The following SIPA1L3 variants were observed in gnomAD, a reference collection of about 807,000 sequenced individuals.
SIPA1L3 encodes the protein signal-induced proliferation-associated 1-like protein 3.
SIPA1L3 carries 59 observed loss-of-function variants against 150.1 expected under a neutral mutation model. The ratio of observed to expected loss-of-function variants is 0.39; its 90% CI spans 0.32 to 0.49. SIPA1L3 has a LOEUF of 0.49. SIPA1L3 is among the 20% of genes least tolerant of loss of function. SIPA1L3 has a pLI of 0.86. For synonymous variants in SIPA1L3, 1,070 were observed against 1,077.6 expected, an observed-to-expected ratio of 0.99 and a Z score of 0.14; for missense variants, 2,211 against 2,489.5, an observed-to-expected ratio of 0.89 and a Z score of 2.38.
rs183196454 is a variant in SIPA1L3, at chr19:38,188,638, C to T, written c.4431-3507C>T. ...AGGGTTTGCAATAGAAAGTAAGCCT[C>T]TCGGCCAGGCGCGGTGGCGCATGCC... On this transcript the variant is annotated intron_variant, in intron 16 of 21. Coordinates refer to ENST00000222345, the MANE Select transcript of SIPA1L3 (RefSeq NM_015073.3). Among the ~76,000 whole-genome samples the T allele has an allele frequency of 1.3e-3, 205 of 152,228 alleles. 1 individual carries two copies. Among genetic ancestry groups the T allele is most frequent in the African/African-American group, 4.8e-3 (200 of 41,530 alleles).
intron 1 of SIPA1L3, among the ~76,000 whole-genome samples, chr19:38,004,553 C>G (rs1967889906): frequency 6.6e-6 from 1 of 152,192 alleles, no homozygotes; most frequent in African/African-American, 2.4e-5. Context: ...CTGAAAGTTG[C>G]ACACCAGCTG....
At chr19:38,051,404 C>T (rs890771610) in intron 2 of SIPA1L3, among the ~76,000 whole-genome samples, 2 of 152,086 alleles carry the variant, frequency 1.3e-5, no homozygotes, top group African/African-American at 2.4e-5. Context: ...TGGGGAGCCT[C>T]GTCCAAGAAG....
chr19:38,038,817 TCA>T (rs1427860525), intron 2 of SIPA1L3, among the ~76,000 whole-genome samples: 6 of 152,138 alleles, frequency 3.9e-5, no homozygotes, highest in Non-Finnish European at 7.4e-5. Flanking sequence ...CTTGACCAAT[TCA>T]GTTAGAGTTA....
chr19:37,944,103 C>T (rs896906091), intron 1 of SIPA1L3, among the ~76,000 whole-genome samples: 8 of 151,976 alleles, frequency 5.3e-5, no homozygotes, highest in African/African-American at 1.9e-4. Context: ...ATGGCGAAAC[C>T]GCATCTCTAC....
intron 2 of SIPA1L3, among the ~76,000 whole-genome samples, chr19:38,060,506 C>T (rs1178229827): frequency 4.6e-5 from 7 of 152,130 alleles, no homozygotes; most frequent in Non-Finnish European, 7.3e-5. Context: ...AGCAGAGGTG[C>T]GTGACTTTGG....
intron 1 of SIPA1L3, among the ~76,000 whole-genome samples, chr19:37,947,156 T>A (rs2046719192): frequency 6.6e-6 from 1 of 151,736 alleles, no homozygotes; most frequent in South Asian, 2.1e-4. Flanking sequence ...ATTGCGCCAC[T>A]GCACTCCAGC....
chr19:38,082,035 G>T lies in SIPA1L3; in HGVS notation c.470G>T (p.Arg157Leu), dbSNP rs568548537. The T allele has an allele frequency of 6.2e-7, 1 of 1,614,022 alleles. No individual in the cohort carries two copies. The highest frequency in any genetic ancestry group is 2.2e-5 in the East Asian group (1 of 44,884). ...KDVEFQDGWP[R>L]SPGRAFLPLR... ...GTGGAGTTCCAGGACGGGTGGCCCC[G>T]GTCCCCCGGCAGGGCCTTCCTCCCC... The change falls in exon 3 of 22, where the codon CGG (arginine) becomes CTG (leucine). Residue 157 changes from arginine (R) to leucine (L), a missense_variant. Arg to Leu is a moderately radical substitution (Grantham distance 102). Transcript: ENST00000222345.
chr19:37,962,486 T>TTTTTTTTTTTA (rs2046868262), intron 1 of SIPA1L3, among the ~76,000 whole-genome samples: 2 of 128,504 alleles, frequency 1.6e-5, no homozygotes, highest in Admixed American at 7.9e-5. Context: ...TTTTTTTTTT[T>TTTTTTTTTTTA]GAGATAGGGT....
At chr19:38,095,235 G>A (rs952579260) in intron 4 of SIPA1L3, among the ~76,000 whole-genome samples, 3 of 152,132 alleles carry the variant, frequency 2.0e-5, no homozygotes, top group Non-Finnish European at 4.4e-5. Context: ...CATTATGCAC[G>A]GATCTTTTTG....
intron 15 of SIPA1L3, among the ~76,000 whole-genome samples, chr19:38,174,183 T>C (rs1455816971): frequency 1.3e-5 from 2 of 152,062 alleles, no homozygotes; most frequent in African/African-American, 4.8e-5. Context: ...GCTTGATTGG[T>C]ATCTCTGTTG....
chr19:38,011,665 G>A (rs970284828), intron 1 of SIPA1L3, among the ~76,000 whole-genome samples: 14 of 152,164 alleles, frequency 9.2e-5, no homozygotes, highest in South Asian at 2.1e-4. Flanking sequence ...CCAGTGTGGC[G>A]GGAGCATTTG....
chr19:38,187,113 G>A (rs1972700258), intron 16 of SIPA1L3, among the ~76,000 whole-genome samples: 1 of 151,546 alleles, frequency 6.6e-6, no homozygotes, highest in South Asian at 2.1e-4. Context: ...CTGGGAGTTG[G>A]AAGCCAGCCT....
chr19:38,081,693 A>C lies in SIPA1L3; in HGVS notation c.128A>C (p.Asn43Thr). Reference sequence around the variant, plus strand: ...GCTCCCTTGGGATTCTGGGCCCAGAATGGCAGCATGTCCCAGCCTCTTGGC... The same window carrying C: ...GCTCCCTTGGGATTCTGGGCCCAGACTGGCAGCATGTCCCAGCCTCTTGGC... ...DYAPLGFWAQ[N>T]GSMSQPLGES... The change falls in exon 3 of 22, where the codon AAT (asparagine) becomes ACT (threonine). Residue 43 changes from asparagine (N) to threonine (T), a missense_variant. Asn to Thr is a moderately conservative substitution (Grantham distance 65). Coordinates refer to ENST00000222345, the MANE Select transcript of SIPA1L3 (RefSeq NM_015073.3). 4 of 1,611,660 alleles carry C rather than the reference A, an allele frequency of 2.5e-6. No homozygotes were observed. The highest frequency in any genetic ancestry group is 3.4e-6 in the Non-Finnish European group (4 of 1,179,682).
At position 38,082,904 on chromosome 19, in the gene SIPA1L3, G is replaced by A. The variant is rs199585273; in HGVS notation, c.1339G>A (p.Ala447Thr). 9 of 1,613,234 alleles carry A rather than the reference G, an allele frequency of 5.6e-6. No individual in the cohort carries two copies. In the African/African-American group the frequency reaches 1.2e-4, roughly 21 times the overall value. ...TGAGCGCAACGTGAGCTTCTCCCGG[G>A]CTTCCGTGGGCTCCCCGAGCAGCGG... ...ECERNVSFSR[A>T]SVGSPSSGEG... Residue 447 changes from alanine (A) to threonine (T), a missense_variant, in exon 3 of 22, where the codon GCT becomes ACT. Coordinates refer to ENST00000222345, the MANE Select transcript of SIPA1L3 (RefSeq NM_015073.3).
chr19:38,062,878 C>T (rs1969480262), intron 2 of SIPA1L3, among the ~76,000 whole-genome samples: 1 of 152,144 alleles, frequency 6.6e-6, no homozygotes, highest in Non-Finnish European at 1.5e-5. Context: ...GCCGTGGCCT[C>T]CCAAAGTGCT....
rs141451464 is a variant in SIPA1L3, at chr19:37,930,211, C to T, written c.-379+22853C>T. Among the ~76,000 whole-genome samples, 1,110 of 151,954 alleles carry T rather than the reference C, an allele frequency of 7.3e-3. 34 individuals carry two copies. Among genetic ancestry groups the T allele is most frequent in the East Asian group, 0.069 (354 of 5,142 alleles). On this transcript the variant is annotated intron_variant, in intron 1 of 21. Transcript: ENST00000222345. ...GGCTATTTTGTATTTTTAGTAGAGA[C>T]GGGGTTTCACTGTGTTAGTCTCGAT...
At chr19:38,017,071 A>AT (rs1257066951) in intron 1 of SIPA1L3, among the ~76,000 whole-genome samples, 1 of 148,542 alleles carries the variant, frequency 6.7e-6, no homozygotes, top group Non-Finnish European at 1.5e-5. Flanking sequence ...TAATTTTTCC[A>AT]TTTTTGATAG....
intron 1 of SIPA1L3, among the ~76,000 whole-genome samples, chr19:38,026,698 G>T (rs1341081435): frequency 6.6e-6 from 1 of 152,120 alleles, no homozygotes; most frequent in African/African-American, 2.4e-5. Context: ...CTCGTTGAGG[G>T]GTTCTTAATC....
intron 8 of SIPA1L3, among the ~76,000 whole-genome samples, chr19:38,117,450 T>A (rs1159984681): frequency 1.3e-5 from 2 of 151,980 alleles, no homozygotes; most frequent in Admixed American, 1.3e-4. Context: ...CGAAACCCTG[T>A]CTCTACTAAA....
Sources: gnomAD v4.1 joint callset for allele counts (sites outside exome capture counted in the v4.1 genomes callset) on GRCh38, gnomAD v4.1.1 for gene constraint, MANE v1.5 for transcripts, NCBI Gene and HGNC (gene_info 2026-07-23, HGNC 2026-07-21) for gene names.